Variants in EYS observed in about 807,000 individuals in gnomAD.
EYS encodes the protein protein eyes shut homolog.
EYS carries 250 observed loss-of-function variants against 282.1 expected under a neutral mutation model. That is an observed-to-expected ratio of 0.89 (90% CI 0.80 to 0.98). The LOEUF (loss-of-function observed/expected upper bound fraction) is 0.98, where lower values mean the gene tolerates loss of function less well. EYS is among the 50% of genes least tolerant of loss of function. The pLI is 0.00. For synonymous variants in EYS, 1,355 were observed against 1,282.9 expected (o/e 1.06, Z -1.20); for missense variants, 4,016 against 3,709.0 (o/e 1.08, Z -2.15).
chr6:64,029,465 C>T (rs1316453215), intron 33 of EYS, among the ~76,000 whole-genome samples: 1 of 152,188 alleles, frequency 6.6e-6, no homozygotes, highest in Non-Finnish European at 1.5e-5. Flanking sequence ...TATCGGACAA[C>T]CGCCTACTTA....
intron 7 of EYS, among the ~76,000 whole-genome samples, chr6:65,396,962 GA>G (rs1259406231): frequency 1.3e-5 from 2 of 151,490 alleles, no homozygotes. Context: ...AAACTATTTT[GA>G]ACTTTCCTTA....
chr6:63,998,466 A>G (rs1221000802), intron 34 of EYS, among the ~76,000 whole-genome samples: 1 of 152,226 alleles, frequency 6.6e-6, no homozygotes, highest in Admixed American at 6.5e-5. Flanking sequence ...CTAATTATAC[A>G]GATTAATTCT....
intron 6 of EYS, among the ~76,000 whole-genome samples, chr6:65,404,856 C>G (rs933643683): frequency 6.6e-6 from 1 of 151,462 alleles, no homozygotes; most frequent in Non-Finnish European, 1.5e-5. Context: ...GAAATATTTC[C>G]TACTCTTATT....
chr6:64,790,108 A>C (rs1774144360), intron 22 of EYS, among the ~76,000 whole-genome samples: 1 of 152,022 alleles, frequency 6.6e-6, no homozygotes. Context: ...GCTGGAAGAA[A>C]CTAACAGGAA....
At chr6:64,721,011 TTATATTCTC>T (rs1454433245) in intron 22 of EYS, among the ~76,000 whole-genome samples, 2 of 15,320 alleles carry the variant, frequency 1.3e-4, no homozygotes, top group Admixed American at 1.1e-3. Flanking sequence ...TAAGGTGTTT[TTATATTCTC>T]TAAGCCAAAT....
chr6:64,727,488 A>T (rs774938083), intron 22 of EYS, among the ~76,000 whole-genome samples: 1 of 152,192 alleles, frequency 6.6e-6, no homozygotes, highest in Non-Finnish European at 1.5e-5. Flanking sequence ...CATATCACCT[A>T]CCAGTTCCTC....
intron 12 of EYS, among the ~76,000 whole-genome samples, chr6:65,116,852 A>T (rs1775390511): frequency 6.6e-6 from 1 of 150,826 alleles, no homozygotes; most frequent in Non-Finnish European, 1.5e-5. Flanking sequence ...GTTTGTGATT[A>T]TGAAACTTGA....
At chr6:63,809,918 G>T (rs1261798172) in intron 36 of EYS, among the ~76,000 whole-genome samples, 2 of 151,922 alleles carry the variant, frequency 1.3e-5, no homozygotes, top group Non-Finnish European at 2.9e-5. Flanking sequence ...GCATTATTGT[G>T]TTTAATGTGA....
intron 26 of EYS, among the ~76,000 whole-genome samples, chr6:64,572,859 T>C (rs558193769): frequency 6.6e-6 from 1 of 152,294 alleles, no homozygotes; most frequent in Admixed American, 6.5e-5. Flanking sequence ...AAGTAATTTA[T>C]AGATTCAATG....
intron 29 of EYS, among the ~76,000 whole-genome samples, chr6:64,339,044 AT>A (rs1252046543): frequency 6.6e-6 from 1 of 151,982 alleles, no homozygotes; most frequent in Non-Finnish European, 1.5e-5. Context: ...AGAAGATAAC[AT>A]TGGAAAAACC....
chr6:64,593,170 G>A lies in EYS; in HGVS notation c.3824C>T (p.Ser1275Phe). ...PSETLVSSFPSIKATRIPAIM... is the reference protein window; with the variant it reads ...PSETLVSSFPFIKATRIPAIM... ...GGCTGGTATTCTAGTAGCCTTTATA[G>A]ATGGAAAGCTGCTGACCAAAGTCTC... The change falls in exon 25 of 43, where the codon TCT (serine) becomes TTT (phenylalanine). Residue 1275 changes from serine (S) to phenylalanine (F), a missense_variant. Coordinates refer to ENST00000503581, the MANE Select transcript of EYS (RefSeq NM_001142800.2). The A allele has an allele frequency of 6.5e-7, 1 of 1,549,260 alleles. No homozygotes were observed. Among genetic ancestry groups the A allele is most frequent in the Non-Finnish European group, 8.7e-7 (1 of 1,145,918 alleles).
intron 22 of EYS, among the ~76,000 whole-genome samples, chr6:64,799,075 A>C (rs1337888475): frequency 6.6e-6 from 1 of 151,916 alleles, no homozygotes; most frequent in Non-Finnish European, 1.5e-5. Context: ...ACAAACTTGG[A>C]AAGTTACAAA....
At chr6:65,662,790 A>T (rs1216476208) in intron 1 of EYS, among the ~76,000 whole-genome samples, 1 of 152,204 alleles carries the variant, frequency 6.6e-6, no homozygotes, top group Non-Finnish European at 1.5e-5. Flanking sequence ...ACAGTACTAT[A>T]GAGAAAAAAT....
intron 12 of EYS, among the ~76,000 whole-genome samples, chr6:65,263,703 C>CTG (rs3042394): frequency 0.2 from 28,847 of 141,212 alleles, 2,818 homozygotes; most frequent in Non-Finnish European, 0.23. Flanking sequence ...CAAGGCAAAG[C>CTG]TGTGTGTGTG....
chr6:63,905,506 T>C (rs181777856), intron 35 of EYS, among the ~76,000 whole-genome samples: 1 of 151,846 alleles, frequency 6.6e-6, no homozygotes, highest in African/African-American at 2.4e-5. Context: ...ATTTTTTGTA[T>C]TTTTTAGTAG....
chr6:64,478,204 A>G (rs770733479), intron 26 of EYS, among the ~76,000 whole-genome samples: 1 of 152,002 alleles, frequency 6.6e-6, no homozygotes, highest in African/African-American at 2.4e-5. Context: ...CTATATTCTT[A>G]TTACCTTTTG....
chr6:64,547,614 T>G (rs962579634), intron 26 of EYS, among the ~76,000 whole-genome samples: 4 of 152,152 alleles, frequency 2.6e-5, no homozygotes, highest in Non-Finnish European at 5.9e-5. Context: ...TAGCTAGACA[T>G]AAAGGTTCTC....
intron 19 of EYS, among the ~76,000 whole-genome samples, chr6:64,852,110 A>G (rs765059233): frequency 1.3e-5 from 2 of 151,816 alleles, no homozygotes; most frequent in Non-Finnish European, 2.9e-5. Context: ...GTCCATCAAG[A>G]GCCTGTGATT....
At chr6:65,325,040 G>A (rs1026607250) in intron 11 of EYS, among the ~76,000 whole-genome samples, 5 of 152,330 alleles carry the variant, frequency 3.3e-5, no homozygotes, top group African/African-American at 1.2e-4. Context: ...TCAGTTAGTG[G>A]CAGCACCATT....
Sources: gnomAD v4.1 joint callset for allele counts (sites outside exome capture counted in the v4.1 genomes callset) on GRCh38, gnomAD v4.1.1 for gene constraint, MANE v1.5 for transcripts, NCBI Gene and HGNC (gene_info 2026-07-23, HGNC 2026-07-21) for gene names.